The following CEMIP variants were observed in gnomAD, a reference collection of about 807,000 sequenced individuals.
CEMIP encodes the protein cell migration-inducing and hyaluronan-binding protein.
In CEMIP, 105 loss-of-function variants were observed where a neutral mutation model predicts 156.9. The observed-to-expected ratio is 0.67, with a 90% CI of 0.57 to 0.79. The LOEUF is 0.79. Among genes scored for constraint, CEMIP ranks in the 30% least tolerant of loss-of-function variants. The probability of loss-of-function intolerance (pLI) is 0.00; values close to 1 mark genes in which losing one functional copy is unlikely to be tolerated. For missense variants in CEMIP, 1,457 were observed against 1,769.4 expected (o/e 0.82, Z 3.17); for synonymous variants, 676 against 668.4 (o/e 1.01, Z -0.17).
Position 80,922,182 on chromosome 15 carries a change from C to T in CEMIP, c.2202+45C>T, listed in dbSNP as rs768125725. The T allele has an allele frequency of 2.5e-6, 4 of 1,611,904 alleles. No individual in the cohort carries two copies. In the African/African-American group the frequency reaches 4.0e-5, roughly 16 times the overall value. On this transcript the variant is annotated intron_variant, in intron 17 of 29. Transcript: ENST00000394685. ...GCCTCTCTGGCCAGCCTCTCGGTCC[C>T]CTTCCCAGGCCTGCAGATGATTAGA...
intron 1 of CEMIP, among the ~76,000 whole-genome samples, chr15:80,806,850 T>C (rs1360089330): frequency 2.0e-5 from 3 of 152,244 alleles, no homozygotes; most frequent in Non-Finnish European, 4.4e-5. Flanking sequence ...CGGATAAAAA[T>C]TTGCCACTTT....
At chr15:80,782,342 A>C (rs950410058) in intron 1 of CEMIP, among the ~76,000 whole-genome samples, 5 of 152,312 alleles carry the variant, frequency 3.3e-5, no homozygotes, top group African/African-American at 9.6e-5. Flanking sequence ...AACTTTGCCC[A>C]GGGGTTCACT....
At chr15:80,790,591 G>A (rs549123321) in intron 1 of CEMIP, among the ~76,000 whole-genome samples, 4 of 152,190 alleles carry the variant, frequency 2.6e-5, no homozygotes, top group South Asian at 2.1e-4. Context: ...GGGGTCACTC[G>A]GCTCAAGGTG....
chr15:80,904,427 A>C (rs1448985710), intron 12 of CEMIP, among the ~76,000 whole-genome samples: 1 of 152,184 alleles, frequency 6.6e-6, no homozygotes, highest in Non-Finnish European at 1.5e-5. Context: ...TGATAGATGG[A>C]ATAATGACCC....
intron 1 of CEMIP, among the ~76,000 whole-genome samples, chr15:80,861,757 T>G (rs2141769295): frequency 6.6e-6 from 1 of 152,332 alleles, no homozygotes; most frequent in Non-Finnish European, 1.5e-5. Flanking sequence ...TATTTTCAGT[T>G]AACAAATACA....
chr15:80,788,355 C>A (rs1215027634), intron 1 of CEMIP, among the ~76,000 whole-genome samples: 2 of 151,394 alleles, frequency 1.3e-5, no homozygotes, highest in Non-Finnish European at 2.9e-5. Context: ...CCTGTAATCC[C>A]AGCTACTCCG....
chr15:80,948,937 C>G lies in CEMIP; in HGVS notation c.*13C>G, dbSNP rs780764277. On this transcript the variant is annotated 3_prime_UTR_variant, in exon 30 of 30. Transcript: ENST00000394685. Reference sequence around the variant, plus strand: ...GAAGAAGTTGTGAGGACAGCTGCCGCCCGGTGCCACCTCGTGGTAGACTAT... The same window carrying G: ...GAAGAAGTTGTGAGGACAGCTGCCGGCCGGTGCCACCTCGTGGTAGACTAT... The G allele has an allele frequency of 1.9e-6, 3 of 1,614,166 alleles. No homozygotes were observed. Among genetic ancestry groups the G allele is most frequent in the Non-Finnish European group, 2.5e-6 (3 of 1,180,000 alleles).
At chr15:80,794,639 CA>C (rs749732459) in intron 1 of CEMIP, among the ~76,000 whole-genome samples, 26 of 152,284 alleles carry the variant, frequency 1.7e-4, no homozygotes, top group Non-Finnish European at 1.8e-4. Context: ...AGATTGTTTA[CA>C]TTTTTTTATA....
chr15:80,872,498 A>T (rs28541680), intron 1 of CEMIP, among the ~76,000 whole-genome samples: 3,875 of 148,900 alleles, frequency 0.026, 186 homozygotes, highest in African/African-American at 0.096. Flanking sequence ...GGAAACAAAA[A>T]TAACGGTGGC....
chr15:80,788,694 T>C (rs1284518076), intron 1 of CEMIP, among the ~76,000 whole-genome samples: 1 of 152,152 alleles, frequency 6.6e-6, no homozygotes, highest in Non-Finnish European at 1.5e-5. Flanking sequence ...CCTGTTTATT[T>C]TCAGAGGCGT....
At chr15:80,844,376 T>A (rs190862841) in intron 1 of CEMIP, among the ~76,000 whole-genome samples, 18 of 152,300 alleles carry the variant, frequency 1.2e-4, no homozygotes, top group South Asian at 2.1e-4. Context: ...GGCCATTTTT[T>A]AAAAAAAGAC....
chr15:80,913,499 T>C (rs1211978266), intron 14 of CEMIP, among the ~76,000 whole-genome samples: 1 of 115,230 alleles, frequency 8.7e-6, no homozygotes, highest in Non-Finnish European at 1.8e-5. Context: ...CAGAGACCTG[T>C]GTTTTCATCT....
chr15:80,919,427 G>A (rs1444303081), intron 14 of CEMIP, among the ~76,000 whole-genome samples: 1 of 152,154 alleles, frequency 6.6e-6, no homozygotes, highest in Non-Finnish European at 1.5e-5. Flanking sequence ...CCTCCTCTTG[G>A]ATTCACCTTC....
intron 14 of CEMIP, among the ~76,000 whole-genome samples, chr15:80,909,999 T>C (rs560711836): frequency 2.6e-5 from 4 of 152,334 alleles, no homozygotes; most frequent in South Asian, 4.1e-4. Context: ...AAATTGATAA[T>C]TTTACACTAA....
At chr15:80,930,359 C>T (rs766149430) in intron 21 of CEMIP, among the ~76,000 whole-genome samples, 66 of 152,190 alleles carry the variant, frequency 4.3e-4, no homozygotes, top group Non-Finnish European at 6.9e-4. Flanking sequence ...ACCAGCCTCC[C>T]GGGGCCAGAA....
At position 80,887,771 on chromosome 15, in the gene CEMIP, C is replaced by T. The variant is rs773685367; in HGVS notation, c.868+7C>T. ...GACCATATTGAATATCATGGTAATA[C>T]ATAGCTGGCTGGAGGCCTGATTCCC... is the stretch of plus-strand genomic sequence containing the variant. On this transcript the variant is annotated splice_region_variant and intron_variant, in intron 8 of 29. Transcript: ENST00000394685. 6.2e-7 allele frequency: 1 copy of T among 1,609,538 alleles called. No homozygotes were observed. The highest frequency in any genetic ancestry group is 8.5e-7 in the Non-Finnish European group (1 of 1,176,306).
chr15:80,818,351 G>A (rs555372621), intron 1 of CEMIP, among the ~76,000 whole-genome samples: 16 of 152,180 alleles, frequency 1.1e-4, no homozygotes, highest in African/African-American at 3.4e-4. Context: ...ATGTATCATC[G>A]GCCAAACCAA....
intron 7 of CEMIP, among the ~76,000 whole-genome samples, chr15:80,885,052 C>T (rs1898789570): frequency 6.6e-6 from 1 of 152,178 alleles, no homozygotes; most frequent in African/African-American, 2.4e-5. Context: ...AGCTATTTGT[C>T]CTGATCCTCT....
At chr15:80,862,434 A>T (rs1227463715) in intron 1 of CEMIP, among the ~76,000 whole-genome samples, 1 of 152,146 alleles carries the variant, frequency 6.6e-6, no homozygotes, top group Non-Finnish European at 1.5e-5. Context: ...GACAGTCGGG[A>T]GAGGTTTAAG....
Sources: gnomAD v4.1 joint callset for allele counts (sites outside exome capture counted in the v4.1 genomes callset) on GRCh38, gnomAD v4.1.1 for gene constraint, MANE v1.5 for transcripts, NCBI Gene and HGNC (gene_info 2026-07-23, HGNC 2026-07-21) for gene names.